The following PATL2 variants were observed in gnomAD, a reference collection of about 807,000 sequenced individuals.
PATL2 encodes PAT1 homolog 2, also known as protein PAT1 homolog 2.
PATL2 carries 73 observed loss-of-function variants against 77.0 expected under a neutral mutation model. The ratio of observed to expected loss-of-function variants is 0.95; its 90% CI spans 0.78 to 1.15. The LOEUF (loss-of-function observed/expected upper bound fraction) is 1.15, where lower values mean the gene tolerates loss of function less well. PATL2 is among the 50% of genes most tolerant of loss of function. The probability of loss-of-function intolerance (pLI) is 0.00; values close to 1 mark genes in which losing one functional copy is unlikely to be tolerated. For synonymous variants in PATL2, 265 were observed against 257.1 expected, an observed-to-expected ratio of 1.03 and a Z score of -0.29; for missense variants, 618 against 655.4, an observed-to-expected ratio of 0.94 and a Z score of 0.62.
chr15:44,700,562 A>C (rs1421076269), intron 3 of PATL2, among the ~76,000 whole-genome samples: 1 of 152,180 alleles, frequency 6.6e-6, no homozygotes, highest in Non-Finnish European at 1.5e-5. Flanking sequence ...TTGGCCTCCC[A>C]AAGTGCTGGG....
At chr15:44,705,811 G>GTTTTGTTTTTTT in intron 3 of PATL2, among the ~76,000 whole-genome samples, 1 of 135,412 alleles carries the variant, frequency 7.4e-6, no homozygotes, top group Non-Finnish European at 1.5e-5. Context: ...TCAAAACATT[G>GTTTTGTTTTTTT]TTTTTTTTTA....
At position 44,673,306 on chromosome 15, in the gene PATL2, AAAGT is replaced by A; in HGVS notation, c.371_374del (p.His124LeufsTer17). 6.4e-7 allele frequency: 1 copy of A among 1,551,674 alleles called. No individual in the cohort carries two copies. The highest frequency in any genetic ancestry group is 2.4e-5 in the East Asian group (1 of 40,922). On this transcript the variant is annotated frameshift_variant, in exon 7 of 18. Coordinates refer to ENST00000682850, the MANE Select transcript of PATL2 (RefSeq NM_001387263.1). LOFTEE classifies it high-confidence loss of function. ...GGTCTGGTGAGGGCAGCCGAGGTCC[AAAGT>A]GCTGTGCTGGAGAGCTGGTGCTGGG... is the stretch of plus-strand genomic sequence containing the variant.
chr15:44,692,247 T>C (rs1033561392), intron 3 of PATL2, among the ~76,000 whole-genome samples: 1 of 152,228 alleles, frequency 6.6e-6, no homozygotes, highest in East Asian at 1.9e-4. Flanking sequence ...CTTTGGTTTA[T>C]AGAATAACAG....
At chr15:44,678,609 C>A (rs1374661622) in intron 3 of PATL2, among the ~76,000 whole-genome samples, 1 of 152,124 alleles carries the variant, frequency 6.6e-6, no homozygotes, top group Non-Finnish European at 1.5e-5. Context: ...GTTAGAGCTT[C>A]TTCTAGAATA....
chr15:44,708,096 G>A (rs896878144), intron 3 of PATL2, among the ~76,000 whole-genome samples: 5 of 152,248 alleles, frequency 3.3e-5, no homozygotes, highest in South Asian at 2.1e-4. Flanking sequence ...CCAGGTGGCC[G>A]CTGCCGGCGA....
Position 44,675,560 on chromosome 15 carries a change from G to A in PATL2, c.148C>T (p.Leu50=). 1 of 1,551,670 alleles carries A rather than the reference G, an allele frequency of 6.4e-7. No homozygotes were observed. Among genetic ancestry groups the A allele is most frequent in the Non-Finnish European group, 8.7e-7 (1 of 1,146,968 alleles). ...TCTTCCTCCTCTAGGTCTGGGTCCA[G>A]ATCTGGGTCCAGATCCTCCTCGTCC... The part of the protein sequence containing the change: ...EEDEEDLDPD[L]DPDLEEEEND... The change falls in exon 5 of 18, where the codon CTG becomes TTG. Residue 50 remains leucine, a synonymous_variant. Coordinates refer to ENST00000682850, the MANE Select transcript of PATL2 (RefSeq NM_001387263.1).
chr15:44,693,791 C>A (rs750315740), intron 3 of PATL2, among the ~76,000 whole-genome samples: 1 of 151,650 alleles, frequency 6.6e-6, no homozygotes, highest in Non-Finnish European at 1.5e-5. Context: ...TCACTTCAAT[C>A]GCACTTCAAG....
At chr15:44,706,050 T>C (rs1233809217) in intron 3 of PATL2, among the ~76,000 whole-genome samples, 3 of 152,184 alleles carry the variant, frequency 2.0e-5, no homozygotes, top group Non-Finnish European at 4.4e-5. Flanking sequence ...TCTACCCACC[T>C]TGGCCTCCCA....
At chr15:44,689,854 G>C (rs897410900) in intron 3 of PATL2, among the ~76,000 whole-genome samples, 4 of 152,234 alleles carry the variant, frequency 2.6e-5, no homozygotes, top group African/African-American at 9.6e-5. Flanking sequence ...AGAACTTAAA[G>C]TATAATAATA....
intron 3 of PATL2, among the ~76,000 whole-genome samples, chr15:44,680,100 A>G (rs1315218149): frequency 6.6e-6 from 1 of 151,682 alleles, no homozygotes; most frequent in Admixed American, 6.6e-5. Context: ...AAGGCTCCCC[A>G]CTCTTGCTAG....
At chr15:44,667,306 A>G (rs1170629234) in intron 15 of PATL2, 103 bp from the exon 16 acceptor site, 1 of 832,392 alleles carries the variant, frequency 1.2e-6, no homozygotes, top group African/African-American at 1.7e-5. Context: ...GTTCACATTT[A>G]GAGATAGAGC....
At chr15:44,691,963 A>C (rs2086402463) in intron 3 of PATL2, among the ~76,000 whole-genome samples, 1 of 152,188 alleles carries the variant, frequency 6.6e-6, no homozygotes, top group African/African-American at 2.4e-5. Context: ...TGTAGCCTGA[A>C]TTATAATAGG....
chr15:44,675,818 G>A (rs2085926873), intron 4 of PATL2, 127 bp from the exon 5 acceptor site: 6 of 797,846 alleles, frequency 7.5e-6, no homozygotes, highest in South Asian at 5.6e-5. Context: ...TGAACATAAC[G>A]CCTCCTGTTC....
intron 3 of PATL2, among the ~76,000 whole-genome samples, chr15:44,678,241 A>T (rs550184690): frequency 6.6e-6 from 1 of 152,136 alleles, no homozygotes; most frequent in Admixed American, 6.5e-5. Flanking sequence ...AAAGGACCAC[A>T]TGGTGAATTT....
chr15:44,699,632 C>G (rs1434262425), intron 3 of PATL2, among the ~76,000 whole-genome samples: 1 of 152,128 alleles, frequency 6.6e-6, no homozygotes, highest in African/African-American at 2.4e-5. Context: ...GCCACCATGC[C>G]CAGCCAGATT....
At chr15:44,703,715 G>A (rs564953565) in intron 3 of PATL2, among the ~76,000 whole-genome samples, 6 of 128,302 alleles carry the variant, frequency 4.7e-5, no homozygotes, top group Admixed American at 2.3e-4. Context: ...ACAAATCACC[G>A]GGTCTTGCTT....
chr15:44,711,379 G>C, upstream of PATL2: 1 of 765,082 alleles, frequency 1.3e-6, no homozygotes, highest in Non-Finnish European at 2.2e-6. Context: ...CTAAGAAAAG[G>C]AAACTGAAAA....
chr15:44,691,320 A>AACTG (rs1192326159), intron 3 of PATL2, among the ~76,000 whole-genome samples: 1 of 152,210 alleles, frequency 6.6e-6, no homozygotes, highest in Admixed American at 6.5e-5. Context: ...ATTAATCTAT[A>AACTG]ACTGCTACGC....
intron 3 of PATL2, among the ~76,000 whole-genome samples, chr15:44,692,864 C>A (rs1480996724): frequency 6.6e-6 from 1 of 152,240 alleles, no homozygotes; most frequent in Non-Finnish European, 1.5e-5. Flanking sequence ...GGCAGCACTG[C>A]CAGGACTCTG....
Sources: allele counts gnomAD v4.1 joint callset (sites outside exome capture counted in the v4.1 genomes callset), GRCh38; gene constraint gnomAD v4.1.1; transcripts MANE v1.5; gene names NCBI Gene and HGNC (gene_info 2026-07-23, HGNC 2026-07-21).